DPP10: variants seen among roughly 807,000 people sequenced by gnomAD.
DPP10 encodes dipeptidyl peptidase like 10, also known as inactive dipeptidyl peptidase 10.
A neutral mutation model predicts 120.9 loss-of-function variants in DPP10; 33 were observed. That is an observed-to-expected ratio of 0.27 (90% confidence interval 0.21 to 0.37). The LOEUF is 0.37. Among genes scored for constraint, DPP10 ranks in the 10% least tolerant of loss-of-function variants. The pLI, the probability that DPP10 is intolerant of heterozygous loss-of-function variation, is 1.00. For missense variants in DPP10, 816 were observed against 942.8 expected (o/e 0.87, Z 1.76); for synonymous variants, 337 against 326.1 (o/e 1.03, Z -0.36).
In DPP10 at chr2:115,510,312, C is replaced by T. The variant is rs184212169; in HGVS notation, c.366+10708C>T. ...TATTTCTATGTTTAGTTCTATGATA[C>T]ATTTTGAGTGGATTTTTTAATATGA... On this transcript the variant is annotated intron_variant, in intron 4 of 25. Transcript: ENST00000410059. 7.2e-5 allele frequency among the ~76,000 whole-genome samples: 11 copies of T among 152,136 alleles called. No homozygotes were observed. In the East Asian group the frequency reaches 1.7e-3, roughly 24 times the overall value.
chr2:114,703,282 C>T (rs1294838730), intron 1 of DPP10, among the ~76,000 whole-genome samples: 2 of 152,056 alleles, frequency 1.3e-5, no homozygotes, highest in African/African-American at 4.8e-5. Flanking sequence ...CTGGGGAAAA[C>T]AAACCACTTT....
chr2:115,167,601 T>G (rs1160197480), intron 1 of DPP10, among the ~76,000 whole-genome samples: 1 of 117,696 alleles, frequency 8.5e-6, no homozygotes, highest in Non-Finnish European at 1.7e-5. Context: ...AACGAGACCG[T>G]CTCAAAAAAA....
rs1254348264 is a variant in DPP10, at chr2:114,715,418, A to C, written c.60+272580A>C. On this transcript the variant is annotated intron_variant, in intron 1 of 25. Coordinates refer to ENST00000410059, the MANE Select transcript of DPP10 (RefSeq NM_020868.6). ...TCCTCCATGGTTGAAAATGAAAAAA[A>C]ATCAATATTGATGTGTTTAAGACAC... is the stretch of plus-strand genomic sequence containing the variant. 2.0e-5 allele frequency among the ~76,000 whole-genome samples: 3 copies of C among 152,264 alleles called. No homozygotes were observed. The East Asian group carries it at 5.8e-4, about 29-fold the overall frequency.
intron 1 of DPP10, among the ~76,000 whole-genome samples, chr2:115,036,230 A>G (rs1704218398): frequency 6.6e-6 from 1 of 152,154 alleles, no homozygotes; most frequent in Admixed American, 6.5e-5. Flanking sequence ...AGACTCACTC[A>G]CTATCACGAG....
intron 4 of DPP10, among the ~76,000 whole-genome samples, chr2:115,508,386 A>G (rs2077058637): frequency 6.6e-6 from 1 of 152,052 alleles, no homozygotes; most frequent in Admixed American, 6.6e-5. Context: ...AAAACAGGAG[A>G]GCTCCTGCCG....
rs536795779 is a variant in DPP10 at position 114,506,713 on chromosome 2, G to T, written c.60+63875G>T. Among the ~76,000 whole-genome samples, 12 of 152,234 alleles carry T rather than the reference G, an allele frequency of 7.9e-5. No homozygotes were observed. In the South Asian group the frequency reaches 2.5e-3, roughly 32 times the overall value. ...ACCTGCTCTCCCCCTCCCACAAAAG[G>T]TGGAACACAACTGGGCCAAGCAAGT... On this transcript the variant is annotated intron_variant, in intron 1 of 25. Coordinates refer to ENST00000410059, the MANE Select transcript of DPP10 (RefSeq NM_020868.6).
intron 1 of DPP10, among the ~76,000 whole-genome samples, chr2:115,298,105 C>G (rs111323954): frequency 2.9e-4 from 44 of 152,072 alleles, no homozygotes; most frequent in African/African-American, 1.0e-3. Context: ...TGCTTCAGTC[C>G]AAATATTTTG....
intron 3 of DPP10, among the ~76,000 whole-genome samples, chr2:115,465,462 T>C (rs1205712144): frequency 6.6e-6 from 1 of 152,132 alleles, no homozygotes. Context: ...AATGGCAATA[T>C]TGAATATCCT....
At chr2:114,899,754 G>A (rs967811115) in intron 1 of DPP10, among the ~76,000 whole-genome samples, 11 of 152,028 alleles carry the variant, frequency 7.2e-5, no homozygotes, top group African/African-American at 1.7e-4. Context: ...TCAGGAGATC[G>A]AGACCATCCT....
intron 1 of DPP10, among the ~76,000 whole-genome samples, chr2:114,692,472 T>C (rs2105775301): frequency 6.6e-6 from 1 of 152,178 alleles, no homozygotes; most frequent in East Asian, 1.9e-4. Context: ...TTTAGTTCTT[T>C]TGCATTTGCT....
At chr2:114,649,345 AT>A (rs10714745) in intron 1 of DPP10, among the ~76,000 whole-genome samples, 30,462 of 148,998 alleles carry the variant, frequency 0.2, 6,032 homozygotes, top group African/African-American at 0.52. Context: ...GGATCCTGAG[AT>A]TTTTTTTTTC....
chr2:114,569,818 T>TCA lies in DPP10; in HGVS notation c.60+126994_60+126995dup, dbSNP rs146915685. Among the ~76,000 whole-genome samples the TCA allele has an allele frequency of 1.8e-3, 275 of 151,120 alleles. 1 individual carries two copies. The highest frequency in any genetic ancestry group is 5.6e-3 in the South Asian group (27 of 4,782). On this transcript the variant is annotated intron_variant, in intron 1 of 25. Transcript: ENST00000410059. ...TTTAAACTAGAGTGATAAATCACAC[T>TCA]CACACACACACACACGTGTGCACGC...
intron 1 of DPP10, among the ~76,000 whole-genome samples, chr2:114,603,245 G>A (rs1692517906): frequency 6.6e-6 from 1 of 152,018 alleles, no homozygotes; most frequent in Non-Finnish European, 1.5e-5. Context: ...AACACTGAGA[G>A]ATAAATAGGT....
chr2:115,256,239 C>G (rs2058982019), intron 1 of DPP10, among the ~76,000 whole-genome samples: 2 of 151,732 alleles, frequency 1.3e-5, no homozygotes, highest in South Asian at 4.1e-4. Context: ...GGGGGAAAAG[C>G]CATTTATAAA....
At chr2:115,107,070 G>C (rs2048984111) in intron 1 of DPP10, among the ~76,000 whole-genome samples, 1 of 142,852 alleles carries the variant, frequency 7.0e-6, no homozygotes, top group South Asian at 2.2e-4. Flanking sequence ...GCTAGGCTCT[G>C]TCTCAAAAAA....
chr2:115,121,758 T>C (rs2049835655), intron 1 of DPP10, among the ~76,000 whole-genome samples: 1 of 152,194 alleles, frequency 6.6e-6, no homozygotes, highest in African/African-American at 2.4e-5. Flanking sequence ...CTCCTGTTTG[T>C]GCATTTCTCC....
At chr2:114,713,624 A>G (rs1025799128) in intron 1 of DPP10, among the ~76,000 whole-genome samples, 4 of 152,196 alleles carry the variant, frequency 2.6e-5, no homozygotes, top group African/African-American at 9.7e-5. Flanking sequence ...CATTCAATCT[A>G]TGATTCCCAC....
intron 1 of DPP10, among the ~76,000 whole-genome samples, chr2:115,223,940 C>T (rs1453658287): frequency 6.6e-6 from 1 of 152,096 alleles, no homozygotes; most frequent in African/African-American, 2.4e-5. Flanking sequence ...AATGATGTTA[C>T]TCAATTATAT....
intron 1 of DPP10, chr2:114,461,448 C>T (rs1320182395): frequency 4.2e-5 from 15 of 357,044 alleles, no homozygotes; most frequent in Non-Finnish European, 5.5e-5. Flanking sequence ...TCCATGGTTG[C>T]GGTCTTTCAA....
Sources: gnomAD v4.1 joint callset for allele counts (sites outside exome capture counted in the v4.1 genomes callset) on GRCh38, gnomAD v4.1.1 for gene constraint, MANE v1.5 for transcripts, NCBI Gene and HGNC (gene_info 2026-07-23, HGNC 2026-07-21) for gene names.